Variants in C20orf203 observed in about 807,000 individuals in gnomAD.
C20orf203 encodes chromosome 20 open reading frame 203.
A neutral mutation model predicts 15.9 loss-of-function variants in C20orf203; 16 were observed. That is an observed-to-expected ratio of 1.01 (90% CI 0.68 to 1.53). The LOEUF is 1.53. Ranked by LOEUF, C20orf203 falls within the 40% of genes most tolerant of loss-of-function variation. The pLI is 0.00. For missense variants in C20orf203, 263 were observed against 247.5 expected (o/e 1.06, Z -0.42); for synonymous variants, 98 against 97.2 (o/e 1.01, Z -0.05).
chr20:32,651,055 GC>G lies in C20orf203; in HGVS notation c.97del (p.Ala33ProfsTer11). 1 of 1,525,918 alleles carries G rather than the reference GC, an allele frequency of 6.6e-7. No individual in the cohort carries two copies. Among genetic ancestry groups the G allele is most frequent in the Admixed American group, 2.1e-5 (1 of 47,348 alleles). 94.5% of individuals were successfully genotyped at this position (1,525,918 alleles called of 1,614,324 possible). ...TCCAGTTTTTGTAAAGGGAAAACTG[GC>G]CAGGCGAGGTGGCCACTGCCTGTGA... ...LDHRQWPPRL[A>X]SFPFTKTGML... On this transcript the variant is annotated frameshift_variant, in exon 3 of 6. Coordinates refer to ENST00000608990, the MANE Select transcript of C20orf203 (RefSeq NM_182584.4). LOFTEE classifies it high-confidence loss of function.
intron 1 of C20orf203, among the ~76,000 whole-genome samples, chr20:32,665,576 T>C (rs1982998844): frequency 6.6e-6 from 1 of 152,194 alleles, no homozygotes; most frequent in Admixed American, 6.5e-5. Context: ...AGACAGAAGC[T>C]GGTGTGGCTA....
At chr20:32,642,594 C>T (rs1982315425) in intron 4 of C20orf203, among the ~76,000 whole-genome samples, 1 of 152,156 alleles carries the variant, frequency 6.6e-6, no homozygotes, top group African/African-American at 2.4e-5. Context: ...GACTATTGGC[C>T]TGTCTGAGGC....
intron 1 of C20orf203, among the ~76,000 whole-genome samples, chr20:32,656,157 C>T (rs141106079): frequency 1.3e-5 from 2 of 152,338 alleles, no homozygotes; most frequent in East Asian, 3.9e-4. Context: ...GCCAAATAAA[C>T]CTCTTTTCTT....
At chr20:32,636,046 G>A (rs1982129494) in intron 5 of C20orf203, among the ~76,000 whole-genome samples, 1 of 152,156 alleles carries the variant, frequency 6.6e-6, no homozygotes, top group Non-Finnish European at 1.5e-5. Context: ...CAGCCCCCAG[G>A]CCCCCCTCAG....
chr20:32,648,480 GC>G (rs778502797), intron 4 of C20orf203, among the ~76,000 whole-genome samples: 2 of 121,448 alleles, frequency 1.6e-5, no homozygotes, highest in Non-Finnish European at 3.2e-5. Context: ...TCGCTCTGTC[GC>G]CCAGGCTGGA....
intron 1 of C20orf203, among the ~76,000 whole-genome samples, chr20:32,662,411 G>C (rs976619928): frequency 2.0e-5 from 3 of 152,078 alleles, no homozygotes; most frequent in African/African-American, 7.2e-5. Context: ...AGACCAGCTT[G>C]GCCAACATGG....
chr20:32,659,709 G>A (rs962084029), intron 1 of C20orf203, among the ~76,000 whole-genome samples: 1 of 152,190 alleles, frequency 6.6e-6, no homozygotes, highest in Non-Finnish European at 1.5e-5. Context: ...AGAGGGGAAG[G>A]CCACTTGTCC....
At chr20:32,646,019 A>G (rs1487730471) in intron 4 of C20orf203, among the ~76,000 whole-genome samples, 1 of 152,186 alleles carries the variant, frequency 6.6e-6, no homozygotes, top group Admixed American at 6.6e-5. Flanking sequence ...GCTATCAGAG[A>G]GTCCCTGGCT....
At position 32,633,878 on chromosome 20, in the gene C20orf203, C is replaced by T; in HGVS notation, c.*1692G>A. ...TGCCTCCCTACTCCTGACTTGGGGC[C>T]CCTGCTCTGAACCTTCCACCCCGTC... On this transcript the variant is annotated 3_prime_UTR_variant, in exon 6 of 6. Transcript: ENST00000608990. 2.5e-6 allele frequency: 1 copy of T among 396,866 alleles called. No individual in the cohort carries two copies. Among genetic ancestry groups the T allele is most frequent in the Non-Finnish European group, 4.4e-6 (1 of 225,546 alleles). 24.6% of individuals were successfully genotyped at this position (396,866 alleles called of 1,614,324 possible).
rs1236016946 is a variant in C20orf203, at chr20:32,650,824, C to T, written c.193G>A (p.Gly65Arg). 2 of 1,476,174 alleles carry T rather than the reference C, an allele frequency of 1.4e-6. No individual in the cohort carries two copies. The allele number at this position is 1,476,174 out of a possible 1,614,324, so 91.4% of individuals were successfully genotyped here. A position where few individuals can be genotyped will look rare whatever the true frequency, so the allele number is the denominator to read the frequency against. The stretch of plus-strand genomic sequence containing the variant: ...CGCTGAGCCTTTGAGGTCCTCCTTC[C>T]CGCCCCACCGCCAAGGTCCCAGAGG... The part of the protein sequence containing the change: ...AHLWDLGGGA[G>R]RRTSKAQRVH... Residue 65 changes from glycine (G) to arginine (R), a missense_variant, in exon 4 of 6, where the codon GGA becomes AGA. By Grantham distance (125) the Gly-to-Arg change is moderately radical. Transcript: ENST00000608990.
intron 1 of C20orf203, among the ~76,000 whole-genome samples, chr20:32,656,332 C>G (rs182683259): frequency 4.6e-5 from 7 of 152,212 alleles, no homozygotes; most frequent in Non-Finnish European, 1.5e-5. Flanking sequence ...CAAGTCAAAA[C>G]CACAATGAGA....
chr20:32,637,771 G>A (rs1357836303), intron 5 of C20orf203, among the ~76,000 whole-genome samples: 3 of 152,218 alleles, frequency 2.0e-5, no homozygotes, highest in African/African-American at 7.2e-5. Context: ...TTGCTTTCCT[G>A]CAAAAGATGG....
intron 1 of C20orf203, among the ~76,000 whole-genome samples, chr20:32,658,353 A>C (rs1478764692): frequency 1.3e-5 from 2 of 152,158 alleles, no homozygotes; most frequent in African/African-American, 4.8e-5. Flanking sequence ...CCCAGGCTGG[A>C]GTGCAGTGGC....
Position 32,650,531 on chromosome 20 carries a change from G to A in C20orf203, c.486C>T (p.Phe162=), listed in dbSNP as rs1219701219. ...GCAAGGATGGGAGGCAGAAGTCCTG[G>A]AAACATGTTGAGGTCCAGGCCAGCG... ...LSSLAWTSTC[F]QDFCLPSLPG... is the part of the protein sequence containing the mutation. Residue 162 remains phenylalanine (F), a synonymous_variant, in exon 4 of 6, where the codon TTC becomes TTT. Coordinates refer to ENST00000608990, the MANE Select transcript of C20orf203 (RefSeq NM_182584.4). 5.2e-6 allele frequency: 8 copies of A among 1,550,436 alleles called. No homozygotes were observed. In the Admixed American group the frequency reaches 5.9e-5, roughly 11 times the overall value.
Position 32,651,166 on chromosome 20 carries a change from TCTA to T in C20orf203, c.-14-3_-14-1del. On this transcript the variant is annotated splice_acceptor_variant and splice_polypyrimidine_tract_variant and intron_variant, in intron 2 of 5. Transcript: ENST00000608990. LOFTEE classifies it low-confidence loss of function (5UTR_SPLICE). ...CCTAGGAAACATAGGAGACCCTCTC[TCTA>T]AAAAAAAAAAAAAAAAAAAAAAAAT... The T allele has an allele frequency of 1.2e-5, 4 of 324,942 alleles. No homozygotes were observed. Among genetic ancestry groups the T allele is most frequent in the Non-Finnish European group, 1.5e-5 (3 of 194,478 alleles). The allele number at this position is 324,942 out of a possible 1,614,324, so 20.1% of individuals were successfully genotyped here.
At chr20:32,646,174 A>G (rs1373582739) in intron 4 of C20orf203, among the ~76,000 whole-genome samples, 1 of 107,234 alleles carries the variant, frequency 9.3e-6, no homozygotes, top group African/African-American at 3.5e-5. Flanking sequence ...GCTTGATCCC[A>G]ATTTTTTTTT....
At chr20:32,635,303 G>T (rs2145658664) in intron 5 of C20orf203, among the ~76,000 whole-genome samples, 1 of 150,988 alleles carries the variant, frequency 6.6e-6, no homozygotes, top group African/African-American at 2.4e-5. Context: ...TTCAAGAGCA[G>T]CCCGACTAAC....
rs754029987 is a variant in C20orf203 at position 32,650,797 on chromosome 20, C to T, written c.220G>A (p.Val74Ile). ...CGCTGGTGGCTGGGCTGGGGGTGGA[C>T]TCGCTGAGCCTTTGAGGTCCTCCTT... ...AGRRTSKAQR[V>I]HPQPSHQRQP... Residue 74 changes from valine to isoleucine, a missense_variant, in exon 4 of 6, where the codon GTC (valine) becomes ATC (isoleucine). Coordinates refer to ENST00000608990, the MANE Select transcript of C20orf203 (RefSeq NM_182584.4). 2.1e-5 allele frequency: 31 copies of T among 1,497,876 alleles called. No individual in the cohort carries two copies. The South Asian group carries it at 4.0e-4, about 19-fold the overall frequency. The allele number at this position is 1,497,876 out of a possible 1,614,324, so 92.8% of individuals were successfully genotyped here.
At chr20:32,635,992 T>C (rs961342413) in intron 5 of C20orf203, among the ~76,000 whole-genome samples, 2 of 152,136 alleles carry the variant, frequency 1.3e-5, no homozygotes, top group Non-Finnish European at 2.9e-5. Flanking sequence ...GCCGTTCCTG[T>C]CTGAATGCCC....
Sources: allele counts gnomAD v4.1 joint callset (sites outside exome capture counted in the v4.1 genomes callset), GRCh38; gene constraint gnomAD v4.1.1; transcripts MANE v1.5; gene names NCBI Gene and HGNC (gene_info 2026-07-23, HGNC 2026-07-21).